Variants in PTPN13 observed in about 807,000 individuals in gnomAD.
PTPN13 encodes tyrosine-protein phosphatase non-receptor type 13.
PTPN13 carries 191 observed loss-of-function variants against 284.0 expected under a neutral mutation model. That is an observed-to-expected ratio of 0.67 (90% CI 0.60 to 0.76). The LOEUF is 0.76. PTPN13 is among the 30% of genes least tolerant of loss of function. The pLI, the probability that PTPN13 is intolerant of heterozygous loss-of-function variation, is 0.00. For missense variants in PTPN13, 2,797 were observed against 2,939.9 expected, an observed-to-expected ratio of 0.95 and a Z score of 1.12; for synonymous variants, 986 against 1,022.3, an observed-to-expected ratio of 0.96 and a Z score of 0.68.
At chr4:86,618,666 A>T (rs1167093163) in intron 1 of PTPN13, among the ~76,000 whole-genome samples, 1 of 152,054 alleles carries the variant, frequency 6.6e-6, no homozygotes, top group Non-Finnish European at 1.5e-5. Flanking sequence ...TGGATTCCTA[A>T]GTATTTTATT....
chr4:86,766,880 G>C (rs575257577), intron 27 of PTPN13, among the ~76,000 whole-genome samples: 1 of 152,236 alleles, frequency 6.6e-6, no homozygotes, highest in African/African-American at 2.4e-5. Context: ...TACATTTTGA[G>C]TTAGGGAGTT....
At position 86,782,272 on chromosome 4, in the gene PTPN13, A is replaced by G; in HGVS notation, c.6024+10A>G. The G allele has an allele frequency of 6.3e-7, 1 of 1,593,046 alleles. No homozygotes were observed. Among genetic ancestry groups the G allele is most frequent in the South Asian group, 1.1e-5 (1 of 90,622 alleles). ...TGATTCATTCTCCACGGTAAGAAAAAGCCCACCCTCTTTCATGTCATACCT... is the reference window on the plus strand; with the variant it reads ...TGATTCATTCTCCACGGTAAGAAAAGGCCCACCCTCTTTCATGTCATACCT... On this transcript the variant is annotated intron_variant, in intron 37 of 47. Coordinates refer to ENST00000411767, the MANE Select transcript of PTPN13 (RefSeq NM_080683.3).
chr4:86,597,698 C>G (rs563351445), intron 1 of PTPN13, among the ~76,000 whole-genome samples: 3 of 152,332 alleles, frequency 2.0e-5, no homozygotes, highest in Non-Finnish European at 4.4e-5. Context: ...CTGCCCAACC[C>G]TGTTCCCAAG....
intron 2 of PTPN13, among the ~76,000 whole-genome samples, chr4:86,664,405 G>T (rs868471989): frequency 3.9e-5 from 6 of 152,074 alleles, no homozygotes; most frequent in African/African-American, 9.7e-5. Flanking sequence ...CAAAATTTTT[G>T]TGTGTGTGTG....
intron 26 of PTPN13, among the ~76,000 whole-genome samples, chr4:86,765,956 T>C (rs1739261351): frequency 6.6e-6 from 1 of 152,054 alleles, no homozygotes; most frequent in African/African-American, 2.4e-5. Context: ...GCCTCCCAAG[T>C]AGCTGGGACT....
rs768965040 is a variant in PTPN13, at chr4:86,782,187, T to C, written c.5963-14T>C. The C allele has an allele frequency of 1.9e-6, 3 of 1,580,040 alleles. No homozygotes were observed. In the African/African-American group the frequency reaches 4.1e-5, roughly 21 times the overall value. On this transcript the variant is annotated splice_polypyrimidine_tract_variant and intron_variant, in intron 36 of 47. Coordinates refer to ENST00000411767, the MANE Select transcript of PTPN13 (RefSeq NM_080683.3). ...GATTGGCTCATCCCCTTACTTCCTA[T>C]ATTGTCCTTTCAGGTTCCTACAGTG...
chr4:86,734,917 T>G (rs377398890), intron 14 of PTPN13, 42 bp downstream of exon 14: 50 of 1,589,116 alleles, frequency 3.1e-5, no homozygotes, highest in Non-Finnish European at 4.3e-5. Flanking sequence ...TTGTTTGGTG[T>G]TGTTACCTTT....
At chr4:86,600,291 C>A (rs1000905368) in intron 1 of PTPN13, among the ~76,000 whole-genome samples, 1 of 151,964 alleles carries the variant, frequency 6.6e-6, no homozygotes, top group African/African-American at 2.4e-5. Context: ...TCCTATACCC[C>A]CTCCTTACAC....
At chr4:86,666,320 C>T (rs939764966) in intron 2 of PTPN13, among the ~76,000 whole-genome samples, 1 of 120,970 alleles carries the variant, frequency 8.3e-6, no homozygotes, top group African/African-American at 3.1e-5. Context: ...GCATTAAGGA[C>T]AGGGACACAC....
At chr4:86,740,998 A>C (rs1276997416) in intron 15 of PTPN13, among the ~76,000 whole-genome samples, 1 of 152,100 alleles carries the variant, frequency 6.6e-6, no homozygotes, top group African/African-American at 2.4e-5. Context: ...CCTCATCTCC[A>C]TCTGAGACCA....
chr4:86,761,824 A>G (rs1276286341), intron 23 of PTPN13, among the ~76,000 whole-genome samples: 1 of 152,162 alleles, frequency 6.6e-6, no homozygotes, highest in African/African-American at 2.4e-5. Context: ...GTTGTCACAA[A>G]TATTTTCTCT....
intron 15 of PTPN13, among the ~76,000 whole-genome samples, chr4:86,736,327 A>G (rs1411783911): frequency 1.3e-5 from 2 of 152,228 alleles, no homozygotes. Flanking sequence ...GAAAAATAGT[A>G]TTATGTAAAC....
chr4:86,744,164 C>T (rs948016172), intron 16 of PTPN13, among the ~76,000 whole-genome samples: 1 of 152,180 alleles, frequency 6.6e-6, no homozygotes, highest in African/African-American at 2.4e-5. Context: ...CTCAACCCAG[C>T]AGTTATGTTA....
At chr4:86,642,562 C>T (rs1180461589) in intron 2 of PTPN13, among the ~76,000 whole-genome samples, 8 of 141,786 alleles carry the variant, frequency 5.6e-5, no homozygotes, top group African/African-American at 2.1e-4. Context: ...AAGCGATTTT[C>T]GTGTTTCAGC....
In PTPN13 at chr4:86,624,594, C is replaced by G. The variant is rs545098159; in HGVS notation, c.-5-10658C>G. Among the ~76,000 whole-genome samples, 5 of 152,306 alleles carry G rather than the reference C, an allele frequency of 3.3e-5. No individual in the cohort carries two copies. The South Asian group carries it at 6.2e-4, about 19-fold the overall frequency. On this transcript the variant is annotated intron_variant, in intron 1 of 47. Coordinates refer to ENST00000411767, the MANE Select transcript of PTPN13 (RefSeq NM_080683.3). ...CTGACCTCTGAGTAATTAGGAAAGT[C>G]TGGCATTGACTGCTCATCTTAGAAT...
chr4:86,619,134 C>T (rs138620934), intron 1 of PTPN13, among the ~76,000 whole-genome samples: 5 of 152,154 alleles, frequency 3.3e-5, no homozygotes, highest in East Asian at 1.9e-4. Context: ...CAGTCAGCCA[C>T]GCGATCACAA....
At chr4:86,745,875 G>A (rs1353931435) in intron 17 of PTPN13, among the ~76,000 whole-genome samples, 4 of 152,166 alleles carry the variant, frequency 2.6e-5, no homozygotes, top group African/African-American at 9.7e-5. Context: ...GTACTGGACA[G>A]GTGGCACTTG....
intron 17 of PTPN13, 37 bp downstream of exon 17, chr4:86,745,165 A>G: frequency 6.4e-7 from 1 of 1,556,596 alleles, no homozygotes; most frequent in East Asian, 2.3e-5. Context: ...GACTCCTGGG[A>G]ATATGAATAA....
At chr4:86,598,271 G>C (rs1305070906) in intron 1 of PTPN13, among the ~76,000 whole-genome samples, 2 of 151,684 alleles carry the variant, frequency 1.3e-5, no homozygotes, top group Non-Finnish European at 2.9e-5. Context: ...AGCCTCCTTA[G>C]TAAGCTGGGA....
Sources: gnomAD v4.1 joint callset for allele counts (sites outside exome capture counted in the v4.1 genomes callset) on GRCh38, gnomAD v4.1.1 for gene constraint, MANE v1.5 for transcripts, NCBI Gene and HGNC (gene_info 2026-07-23, HGNC 2026-07-21) for gene names.